VPS37A: variants seen among roughly 807,000 people sequenced by gnomAD.
VPS37A encodes the protein VPS37A subunit of ESCRT-I, also known as vacuolar protein sorting-associated protein 37A.
In VPS37A, 30 loss-of-function variants were observed where a neutral mutation model predicts 49.8. The ratio of observed to expected loss-of-function variants is 0.60; its 90% confidence interval spans 0.45 to 0.82. The LOEUF (loss-of-function observed/expected upper bound fraction) is 0.82. Ranked by LOEUF, VPS37A falls within the 40% of genes least tolerant of loss-of-function variation. The pLI is 0.00. For synonymous variants in VPS37A, 195 were observed against 160.6 expected (o/e 1.21, Z -1.62); for missense variants, 593 against 464.4 (o/e 1.28, Z -2.55).
intron 9 of VPS37A, among the ~76,000 whole-genome samples, chr8:17,281,304 A>G (rs1490684582): frequency 6.6e-6 from 1 of 152,164 alleles, no homozygotes; most frequent in East Asian, 1.9e-4. Flanking sequence ...GGGAGATTAA[A>G]TAAATTTCTT....
intron 1 of VPS37A, among the ~76,000 whole-genome samples, chr8:17,258,797 T>A (rs945011387): frequency 3.3e-5 from 5 of 152,084 alleles, no homozygotes; most frequent in Admixed American, 2.0e-4. Flanking sequence ...TCATTATTAT[T>A]GGCTTATTGA....
intron 1 of VPS37A, among the ~76,000 whole-genome samples, chr8:17,249,442 C>G (rs554558088): frequency 7.2e-5 from 11 of 152,238 alleles, no homozygotes; most frequent in African/African-American, 2.4e-4. Flanking sequence ...GTGTTATGAA[C>G]AAATAACTAA....
chr8:17,321,237 T>G, the VPS37A span, among the ~76,000 whole-genome samples: 2 of 152,202 alleles, frequency 1.3e-5, no homozygotes, highest in South Asian at 4.1e-4. Context: ...AAATGGCCTG[T>G]GCCAAAAGCA....
chr8:17,266,235 G>A (rs139798713), intron 2 of VPS37A, among the ~76,000 whole-genome samples: 34 of 152,182 alleles, frequency 2.2e-4, no homozygotes, highest in African/African-American at 7.9e-4. Context: ...TGTTTTTATT[G>A]ATAAGCACTA....
chr8:17,314,020 T>A, the VPS37A span, among the ~76,000 whole-genome samples: 2 of 152,106 alleles, frequency 1.3e-5, no homozygotes, highest in Non-Finnish European at 2.9e-5. Flanking sequence ...TGAGTGAAAA[T>A]GAAGAAAACC....
chr8:17,330,011 T>TG, the VPS37A span, among the ~76,000 whole-genome samples: 4 of 152,184 alleles, frequency 2.6e-5, no homozygotes, highest in Non-Finnish European at 5.9e-5. Context: ...TAGAAAGTAT[T>TG]GGCCTAATCC....
intron 10 of VPS37A, among the ~76,000 whole-genome samples, chr8:17,284,822 G>C (rs1815434102): frequency 6.6e-6 from 1 of 152,122 alleles, no homozygotes; most frequent in Non-Finnish European, 1.5e-5. Flanking sequence ...AACTTTGAAG[G>C]TCTGTCATAG....
chr8:17,304,573 T>A, downstream of VPS37A: 1 of 1,548,028 alleles, frequency 6.5e-7, no homozygotes, highest in Non-Finnish European at 8.9e-7. Flanking sequence ...TTACACACAG[T>A]AGATATGTTA....
chr8:17,286,251 C>A, intron 10 of VPS37A, 96 bp from the exon 11 acceptor site: 2 of 922,664 alleles, frequency 2.2e-6, no homozygotes, highest in Admixed American at 2.8e-5. Context: ...TAAAATAATG[C>A]CAACAAGTTA....
chr8:17,269,860 AT>A (rs1813812943), intron 4 of VPS37A, among the ~76,000 whole-genome samples: 1 of 152,144 alleles, frequency 6.6e-6, no homozygotes, highest in African/African-American at 2.4e-5. Context: ...TTGTTCTTGC[AT>A]TGCTATAAAG....
intron 1 of VPS37A, among the ~76,000 whole-genome samples, chr8:17,254,292 C>T (rs1812234352): frequency 6.6e-6 from 1 of 152,056 alleles, no homozygotes; most frequent in South Asian, 2.1e-4. Flanking sequence ...CCTGGGGAGT[C>T]AGTAGCTGTC....
the VPS37A span, among the ~76,000 whole-genome samples, chr8:17,323,559 A>G: frequency 6.6e-6 from 1 of 152,046 alleles, no homozygotes; most frequent in South Asian, 2.1e-4. Flanking sequence ...TAGGCACTAG[A>G]GAGGAGGCCA....
chr8:17,279,987 A>C, intron 6 of VPS37A, 41 bp from the exon 7 acceptor site: 4 of 1,607,180 alleles, frequency 2.5e-6, no homozygotes, highest in Non-Finnish European at 3.4e-6. Context: ...GAAAAACTCG[A>C]TGTCTGATAT....
chr8:17,282,796 T>C (rs73208578), intron 9 of VPS37A, among the ~76,000 whole-genome samples: 12,250 of 152,098 alleles, frequency 0.081, 666 homozygotes, highest in South Asian at 0.2. Flanking sequence ...TCTTTCTAGA[T>C]GTTCTCAGTC....
intron 11 of VPS37A, among the ~76,000 whole-genome samples, chr8:17,293,776 C>T (rs531101171): frequency 2.0e-5 from 3 of 152,320 alleles, no homozygotes; most frequent in South Asian, 2.1e-4. Flanking sequence ...GTATCACCAG[C>T]GGAGGCTGCA....
Position 17,280,237 on chromosome 8 carries a change from A to G in VPS37A, c.842-2A>G, listed in dbSNP as rs1484660736. On this transcript the variant is annotated splice_acceptor_variant, in intron 7 of 11. Coordinates refer to ENST00000324849, the MANE Select transcript of VPS37A (RefSeq NM_152415.3). LOFTEE classifies it high-confidence loss of function. ...GAAGTAAACTAGAGATTTATCTTAC[A>G]GGAAAAAATCTCCTTTTGGAGCCCA... 6.2e-7 allele frequency: 1 copy of G among 1,612,688 alleles called. No individual in the cohort carries two copies. The highest frequency in any genetic ancestry group is 8.5e-7 in the Non-Finnish European group (1 of 1,179,290).
chr8:17,262,016 G>T (rs1373191151), intron 1 of VPS37A, among the ~76,000 whole-genome samples: 1 of 152,140 alleles, frequency 6.6e-6, no homozygotes, highest in South Asian at 2.1e-4. Flanking sequence ...AACCAAAAAT[G>T]GTGGGAAAGC....
chr8:17,299,770 C>CCAT (rs57246269), downstream of VPS37A: 1,397 of 1,529,026 alleles, frequency 9.1e-4, 17 homozygotes, highest in African/African-American at 0.016. Context: ...ATGACATGCA[C>CCAT]CATTTCCTGT....
At chr8:17,274,701 C>G (rs867137457) in intron 4 of VPS37A, 32 bp from the exon 5 acceptor site, 2 of 1,547,776 alleles carry the variant, frequency 1.3e-6, no homozygotes, top group South Asian at 2.3e-5. Flanking sequence ...TCCATAAAAT[C>G]TAATGTAATG....
Sources: allele counts gnomAD v4.1 joint callset (sites outside exome capture counted in the v4.1 genomes callset), GRCh38; gene constraint gnomAD v4.1.1; transcripts MANE v1.5; gene names NCBI Gene and HGNC (gene_info 2026-07-23, HGNC 2026-07-21).